The following KRTAP9-8 variants were observed in gnomAD, a reference collection of about 807,000 sequenced individuals.
KRTAP9-8 encodes keratin associated protein 9-8, also known as keratin-associated protein 9-8.
KRTAP9-8 carries 10 observed loss-of-function variants against 12.8 expected under a neutral mutation model. The observed-to-expected ratio is 0.78, with a 90% confidence interval of 0.48 to 1.33. KRTAP9-8 has a LOEUF of 1.33. Ranked by LOEUF, KRTAP9-8 falls within the 40% of genes most tolerant of loss-of-function variation. The pLI, the probability that KRTAP9-8 is intolerant of heterozygous loss-of-function variation, is 0.00. For missense variants in KRTAP9-8, 197 were observed against 197.0 expected (o/e 1.00, Z 0.00); for synonymous variants, 94 against 70.8 (o/e 1.33, Z -1.64).
chr17:41,238,192 C>T lies in KRTAP9-8; in HGVS notation c.141C>T (p.Cys47=), dbSNP rs111840064. Residue 47 remains cysteine (C), a synonymous_variant, in exon 1 of 1, where the codon TGC becomes TGT. Transcript: ENST00000254072. ...CCVSSCCQPC[C]RPTCCQNTCC... Reference sequence around the variant, plus strand: ...TGTCCAGCTGCTGCCAGCCTTGCTGCCGCCCAACTTGCTGTCAAAACACCT... The same window carrying T: ...TGTCCAGCTGCTGCCAGCCTTGCTGTCGCCCAACTTGCTGTCAAAACACCT... The T allele has an allele frequency of 1.1e-5, 18 of 1,607,970 alleles. No individual in the cohort carries two copies. The highest frequency in any genetic ancestry group is 1.5e-5 in the Non-Finnish European group (18 of 1,179,850).
In KRTAP9-8 at chr17:41,238,442, C is replaced by T. The variant is rs376076348; in HGVS notation, c.391C>T (p.Arg131Cys). The change falls in exon 1 of 1, where the codon CGC (arginine) becomes TGC (cysteine). Residue 131 changes from arginine (R) to cysteine (C), a missense_variant. Coordinates refer to ENST00000254072, the MANE Select transcript of KRTAP9-8 (RefSeq NM_031963.3). Reference sequence around the variant, plus strand: ...CTCCAACTGCTGCCAGCCCTGCTGCCGCCCAGCCTGCTGTGAGACCACCTG... The same window carrying T: ...CTCCAACTGCTGCCAGCCCTGCTGCTGCCCAGCCTGCTGTGAGACCACCTG... ...CGSNCCQPCC[R>C]PACCETTCCR... 5.5e-5 allele frequency: 88 copies of T among 1,599,776 alleles called. No individual in the cohort carries two copies. Among genetic ancestry groups the T allele is most frequent in the Middle Eastern group, 3.3e-4 (2 of 5,998 alleles).
rs748989317 is a variant in KRTAP9-8 at position 41,238,275 on chromosome 17, G to T, written c.224G>T (p.Cys75Phe). The T allele has an allele frequency of 5.0e-6, 8 of 1,607,408 alleles. No homozygotes were observed. Among genetic ancestry groups the T allele is most frequent in the East Asian group, 2.2e-5 (1 of 44,844 alleles). The change falls in exon 1 of 1, where the codon TGC becomes TTC. Residue 75 changes from cysteine (C) to phenylalanine (F), a missense_variant. Cys to Phe is a radical substitution (Grantham distance 205, BLOSUM62 -2). Coordinates refer to ENST00000254072, the MANE Select transcript of KRTAP9-8 (RefSeq NM_031963.3). ...CCQPSCCSTPCCQPTCCGQTS... is the reference protein window; with the variant it reads ...CCQPSCCSTPFCQPTCCGQTS... The stretch of plus-strand genomic sequence containing the variant: ...CAGCCTTCCTGCTGCAGCACACCCT[G>T]CTGTCAGCCCACCTGCTGTGGCCAA...
In KRTAP9-8 at chr17:41,238,140, C is replaced by T. The variant is rs1426473420; in HGVS notation, c.89C>T (p.Thr30Ile). 9 of 1,608,024 alleles carry T rather than the reference C, an allele frequency of 5.6e-6. No homozygotes were observed. The Admixed American group carries it at 1.2e-4, about 21-fold the overall frequency. ...ACCACTGTGACCACCTGCAGCAGCA[C>T]ACCCTGCTGCCAGCCCTCCTGCTGT... is the stretch of plus-strand genomic sequence containing the variant. ...KPTTVTTCSSTPCCQPSCCVS... is the reference protein window; with the variant it reads ...KPTTVTTCSSIPCCQPSCCVS... Residue 30 changes from threonine (T) to isoleucine (I), a missense_variant, in exon 1 of 1, where the codon ACA becomes ATA. By Grantham distance (89) the Thr-to-Ile change is moderately conservative. Transcript: ENST00000254072.
Position 41,238,103 on chromosome 17 carries a change from T to A in KRTAP9-8, c.52T>A (p.Cys18Ser). The change falls in exon 1 of 1, where the codon TGC becomes AGC. Residue 18 changes from cysteine to serine, a missense_variant. Cys to Ser is a moderately radical substitution (Grantham distance 112). Transcript: ENST00000254072. ...TCAGCCTACGTGCTGCAGGACCACC[T>A]GCTGGAAGCCCACCACTGTGACCAC... ...CCQPTCCRTT[C>S]WKPTTVTTCS... The A allele has an allele frequency of 6.2e-7, 1 of 1,607,318 alleles. No individual in the cohort carries two copies. The highest frequency in any genetic ancestry group is 8.5e-7 in the Non-Finnish European group (1 of 1,179,928).
rs768867071 is a variant in KRTAP9-8, at chr17:41,238,381, T to G, written c.330T>G (p.Thr110=). 7 of 1,606,546 alleles carry G rather than the reference T, an allele frequency of 4.4e-6. 1 individual carries two copies. Residue 110 remains threonine (T), a synonymous_variant, in exon 1 of 1, where the codon ACT becomes ACG. Coordinates refer to ENST00000254072, the MANE Select transcript of KRTAP9-8 (RefSeq NM_031963.3). Reference sequence around the variant, plus strand: ...GAAGAACCTGCTACCACCCCACGACTGTCTGCCTGCCTGGTTGCCTAAACC... The same window carrying G: ...GAAGAACCTGCTACCACCCCACGACGGTCTGCCTGCCTGGTTGCCTAAACC... ...YCRRTCYHPT[T]VCLPGCLNQS...
At position 41,238,056 on chromosome 17, in the gene KRTAP9-8, C is replaced by A. The variant is rs140915288; in HGVS notation, c.5C>A (p.Thr2Asn). 7.2e-4 allele frequency: 1,164 copies of A among 1,606,388 alleles called. 4 individuals carry two copies. Among genetic ancestry groups the A allele is most frequent in the Non-Finnish European group, 9.1e-4 (1,075 of 1,179,750 alleles). The part of the protein sequence containing the change: M[T>N]HCCSPCCQPT... The stretch of plus-strand genomic sequence containing the variant: ...CCACCCTCTACCCCTGACACCATGA[C>A]CCACTGTTGTTCCCCTTGCTGTCAG... The change falls in exon 1 of 1, where the codon ACC (threonine) becomes AAC (asparagine). Residue 2 changes from threonine (T) to asparagine (N), a missense_variant. Physicochemically the swap from Thr to Asn is moderately conservative, Grantham distance 65. Transcript: ENST00000254072.
In KRTAP9-8 at chr17:41,238,394, G is replaced by A. The variant is rs1356779867; in HGVS notation, c.343G>A (p.Gly115Ser). ...CYHPTTVCLP[G>S]CLNQSCGSNC... ...CCACCCCACGACTGTCTGCCTGCCTGGTTGCCTAAACCAGAGCTGTGGCTC... is the reference window on the plus strand; with the variant it reads ...CCACCCCACGACTGTCTGCCTGCCTAGTTGCCTAAACCAGAGCTGTGGCTC... Residue 115 changes from glycine (G) to serine (S), a missense_variant, in exon 1 of 1, where the codon GGT becomes AGT. Coordinates refer to ENST00000254072, the MANE Select transcript of KRTAP9-8 (RefSeq NM_031963.3). 4 of 1,604,758 alleles carry A rather than the reference G, an allele frequency of 2.5e-6. No homozygotes were observed. The highest frequency in any genetic ancestry group is 3.4e-6 in the Non-Finnish European group (4 of 1,179,654).
Position 41,238,023 on chromosome 17 carries a change from A to G in KRTAP9-8, c.-29A>G, listed in dbSNP as rs371400190. ...CAGATTCTGGGAAACTCACCTCTGA[A>G]CAGAACTCCACCCTCTACCCCTGAC... On this transcript the variant is annotated 5_prime_UTR_variant, in exon 1 of 1. Coordinates refer to ENST00000254072, the MANE Select transcript of KRTAP9-8 (RefSeq NM_031963.3). The G allele has an allele frequency of 3.1e-6, 5 of 1,603,344 alleles. No homozygotes were observed. Among genetic ancestry groups the G allele is most frequent in the Admixed American group, 3.3e-5 (2 of 59,826 alleles).
chr17:41,238,435 C>G lies in KRTAP9-8; in HGVS notation c.384C>G (p.Pro128=), dbSNP rs531947823. 2,301 of 1,600,744 alleles carry G rather than the reference C, an allele frequency of 1.4e-3. 241 individuals carry two copies. In the African/African-American group the frequency reaches 0.021, roughly 14 times the overall value. ...GCTGTGGCTCCAACTGCTGCCAGCC[C>G]TGCTGCCGCCCAGCCTGCTGTGAGA... ...NQSCGSNCCQ[P]CCRPACCETT... The change falls in exon 1 of 1, where the codon CCC becomes CCG. Residue 128 remains proline (P), a synonymous_variant. Coordinates refer to ENST00000254072, the MANE Select transcript of KRTAP9-8 (RefSeq NM_031963.3).
In KRTAP9-8 at chr17:41,238,646, T is replaced by A; in HGVS notation, c.*115T>A. ...AGCCACCATGCTCTCACCCAAATTT[T>A]TATGAATTCTCTACATGTTTAAAAT... On this transcript the variant is annotated 3_prime_UTR_variant, in exon 1 of 1. Transcript: ENST00000254072. 1.4e-6 allele frequency: 1 copy of A among 726,100 alleles called. No individual in the cohort carries two copies. Among genetic ancestry groups the A allele is most frequent in the Non-Finnish European group, 2.1e-6 (1 of 487,618 alleles). 45.0% of individuals were successfully genotyped at this position (726,100 alleles called of 1,614,324 possible). A position where few individuals can be genotyped will look rare whatever the true frequency, so the allele number is the denominator to read the frequency against.
Position 41,238,074 on chromosome 17 carries a change from G to T in KRTAP9-8, c.23G>T (p.Cys8Phe). The T allele has an allele frequency of 6.2e-7, 1 of 1,606,504 alleles. No individual in the cohort carries two copies. The highest frequency in any genetic ancestry group is 8.5e-7 in the Non-Finnish European group (1 of 1,179,808). Residue 8 changes from cysteine to phenylalanine, a missense_variant, in exon 1 of 1, where the codon TGC becomes TTC. Transcript: ENST00000254072. Reference sequence around the variant, plus strand: ...ACCATGACCCACTGTTGTTCCCCTTGCTGTCAGCCTACGTGCTGCAGGACC... The same window carrying T: ...ACCATGACCCACTGTTGTTCCCCTTTCTGTCAGCCTACGTGCTGCAGGACC... Reference protein sequence around the residue: MTHCCSPCCQPTCCRTTC... With the variant: MTHCCSPFCQPTCCRTTC...
Position 41,238,331 on chromosome 17 carries a change from A to G in KRTAP9-8, c.280A>G (p.Ser94Gly). The G allele has an allele frequency of 6.2e-7, 1 of 1,607,674 alleles. No homozygotes were observed. Among genetic ancestry groups the G allele is most frequent in the Non-Finnish European group, 8.5e-7 (1 of 1,179,944 alleles). ...CTGTGGGTCCAGCTGTGGTCAGAGC[A>G]GCTCCTGTGCACCTGTGTACTGCAG... ...TSCGSSCGQS[S>G]SCAPVYCRRT... The change falls in exon 1 of 1, where the codon AGC becomes GGC. Residue 94 changes from serine (S) to glycine (G), a missense_variant. Coordinates refer to ENST00000254072, the MANE Select transcript of KRTAP9-8 (RefSeq NM_031963.3).
chr17:41,238,222 C>G lies in KRTAP9-8; in HGVS notation c.171C>G (p.Cys57Trp). Residue 57 changes from cysteine to tryptophan, a missense_variant, in exon 1 of 1, where the codon TGC becomes TGG. Coordinates refer to ENST00000254072, the MANE Select transcript of KRTAP9-8 (RefSeq NM_031963.3). The stretch of plus-strand genomic sequence containing the variant: ...CAACTTGCTGTCAAAACACCTGCTG[C>G]CAGCCCATCTGTGTGACCAGCTGCT... ...CRPTCCQNTCCQPICVTSCCQ... is the reference protein window; with the variant it reads ...CRPTCCQNTCWQPICVTSCCQ... 1 of 1,607,990 alleles carries G rather than the reference C, an allele frequency of 6.2e-7. No homozygotes were observed.
rs200718914 is a variant in KRTAP9-8, at chr17:41,238,213, C to G, written c.162C>G (p.Asn54Lys). 705 of 1,607,930 alleles carry G rather than the reference C, an allele frequency of 4.4e-4. 1 individual carries two copies. The highest frequency in any genetic ancestry group is 5.6e-4 in the Non-Finnish European group (664 of 1,179,916). Residue 54 changes from asparagine (N) to lysine (K), a missense_variant, in exon 1 of 1, where the codon AAC becomes AAG. Coordinates refer to ENST00000254072, the MANE Select transcript of KRTAP9-8 (RefSeq NM_031963.3). ...QPCCRPTCCQ[N>K]TCCQPICVTS... The stretch of plus-strand genomic sequence containing the variant: ...GCTGCCGCCCAACTTGCTGTCAAAA[C>G]ACCTGCTGCCAGCCCATCTGTGTGA...
the KRTAP9-8 span, chr17:41,238,208 C>T: frequency 6.2e-7 from 1 of 1,606,840 alleles, no homozygotes; most frequent in Non-Finnish European, 8.5e-7. Context: ...AACTTGCTGT[C>T]AAAACACCTG....
chr17:41,238,068 C>A lies in KRTAP9-8; in HGVS notation c.17C>A (p.Ser6Tyr). MTHCC[S>Y]PCCQPTCCRT... ...CCTGACACCATGACCCACTGTTGTT[C>A]CCCTTGCTGTCAGCCTACGTGCTGC... The change falls in exon 1 of 1, where the codon TCC becomes TAC. Residue 6 changes from serine to tyrosine, a missense_variant. Physicochemically the swap from Ser to Tyr is moderately radical, Grantham distance 144. Transcript: ENST00000254072. 1 of 1,606,484 alleles carries A rather than the reference C, an allele frequency of 6.2e-7. No individual in the cohort carries two copies. The highest frequency in any genetic ancestry group is 8.5e-7 in the Non-Finnish European group (1 of 1,179,790).
In KRTAP9-8 at chr17:41,238,293, G is replaced by A. The variant is rs745984546; in HGVS notation, c.242G>A (p.Cys81Tyr). Residue 81 changes from cysteine (C) to tyrosine (Y), a missense_variant, in exon 1 of 1, where the codon TGT becomes TAT. Physicochemically the swap from Cys to Tyr is radical, Grantham distance 194. Transcript: ENST00000254072. ...ACACCCTGCTGTCAGCCCACCTGCT[G>A]TGGCCAAACCAGCTGTGGGTCCAGC... ...CSTPCCQPTC[C>Y]GQTSCGSSCG... 5.6e-6 allele frequency: 9 copies of A among 1,607,016 alleles called. No individual in the cohort carries two copies. Among genetic ancestry groups the A allele is most frequent in the Non-Finnish European group, 6.8e-6 (8 of 1,179,868 alleles).
chr17:41,238,775 C>T lies in KRTAP9-8; in HGVS notation c.*244C>T. On this transcript the variant is annotated 3_prime_UTR_variant, in exon 1 of 1. Coordinates refer to ENST00000254072, the MANE Select transcript of KRTAP9-8 (RefSeq NM_031963.3). Reference sequence around the variant, plus strand: ...GCTTCATCTGTTCTCAAGTTTGAGTCATGGTCTCAGCTTTGACTCTAAAGT... The same window carrying T: ...GCTTCATCTGTTCTCAAGTTTGAGTTATGGTCTCAGCTTTGACTCTAAAGT... 6.3e-6 allele frequency: 2 copies of T among 316,582 alleles called. No individual in the cohort carries two copies. The highest frequency in any genetic ancestry group is 1.0e-5 in the Non-Finnish European group (2 of 192,258). The allele number at this position is 316,582 out of a possible 1,614,324, so 19.6% of individuals were successfully genotyped here.
At position 41,238,068 on chromosome 17, in the gene KRTAP9-8, C is replaced by G. The variant is rs35424651; in HGVS notation, c.17C>G (p.Ser6Cys). 1 of 1,606,484 alleles carries G rather than the reference C, an allele frequency of 6.2e-7. No individual in the cohort carries two copies. The highest frequency in any genetic ancestry group is 1.7e-5 in the Admixed American group (1 of 59,958). ...CCTGACACCATGACCCACTGTTGTT[C>G]CCCTTGCTGTCAGCCTACGTGCTGC... MTHCC[S>C]PCCQPTCCRT... Residue 6 changes from serine (S) to cysteine (C), a missense_variant, in exon 1 of 1, where the codon TCC (serine) becomes TGC (cysteine). Coordinates refer to ENST00000254072, the MANE Select transcript of KRTAP9-8 (RefSeq NM_031963.3).
Sources: gnomAD v4.1 joint callset for allele counts on GRCh38, gnomAD v4.1.1 for gene constraint, MANE v1.5 for transcripts, NCBI Gene and HGNC (gene_info 2026-07-23, HGNC 2026-07-21) for gene names.